The following DIS3L2 variants were observed in gnomAD, a reference collection of about 807,000 sequenced individuals.
The protein encoded by DIS3L2 is DIS3-like exonuclease 2.
In DIS3L2, 34 loss-of-function variants were observed where a neutral mutation model predicts 97.5. The observed-to-expected ratio is 0.35, with a 90% CI of 0.27 to 0.46. The LOEUF is 0.46. Ranked by LOEUF, DIS3L2 falls within the 20% of genes least tolerant of loss-of-function variation. The pLI, the probability that DIS3L2 is intolerant of heterozygous loss-of-function variation, is 1.00. For missense variants in DIS3L2, 1,038 were observed against 1,146.0 expected, an observed-to-expected ratio of 0.91 and a Z score of 1.36; for synonymous variants, 435 against 445.2, an observed-to-expected ratio of 0.98 and a Z score of 0.29.
chr2:232,065,106 G>A (rs1396525156), intron 5 of DIS3L2, among the ~76,000 whole-genome samples: 1 of 151,910 alleles, frequency 6.6e-6, no homozygotes, highest in African/African-American at 2.4e-5. Flanking sequence ...TCTTAAAATT[G>A]TGGTAAGAAC....
chr2:232,193,216 T>C (rs1691664333), intron 9 of DIS3L2, among the ~76,000 whole-genome samples: 1 of 152,236 alleles, frequency 6.6e-6, no homozygotes, highest in African/African-American at 2.4e-5. Flanking sequence ...ACAGACAACC[T>C]AATGTGACTA....
intron 8 of DIS3L2, among the ~76,000 whole-genome samples, chr2:232,139,224 C>T (rs1485404726): frequency 6.6e-6 from 1 of 152,106 alleles, no homozygotes; most frequent in Non-Finnish European, 1.5e-5. Flanking sequence ...ACAAAGGAAC[C>T]ACAGCTTCTC....
At chr2:232,297,705 T>C (rs1376303281) in intron 13 of DIS3L2, among the ~76,000 whole-genome samples, 1 of 149,110 alleles carries the variant, frequency 6.7e-6, no homozygotes, top group Non-Finnish European at 1.5e-5. Context: ...CCAAGTCTTT[T>C]TTTTTTTTTT....
At chr2:231,997,384 G>A (rs939177205) in intron 1 of DIS3L2, among the ~76,000 whole-genome samples, 5 of 152,202 alleles carry the variant, frequency 3.3e-5, no homozygotes, top group African/African-American at 1.2e-4. Context: ...GACCTGTTAA[G>A]AGGCAGTGTT....
intron 3 of DIS3L2, among the ~76,000 whole-genome samples, chr2:232,020,338 A>C (rs575627223): frequency 6.6e-6 from 1 of 152,162 alleles, no homozygotes; most frequent in Non-Finnish European, 1.5e-5. Flanking sequence ...GTATCAAAGT[A>C]AACCAGGTCA....
rs369447414 is a variant in DIS3L2 at position 232,273,189 on chromosome 2, T to C, written c.1659+9749T>C. On this transcript the variant is annotated intron_variant, in intron 13 of 20. Coordinates refer to ENST00000325385, the MANE Select transcript of DIS3L2 (RefSeq NM_152383.5). Reference sequence around the variant, plus strand: ...CCACCCCTCCTTCCTAGGGTTTCCCTGATACTTTATTTATACCTGTTACCT... The same window carrying C: ...CCACCCCTCCTTCCTAGGGTTTCCCCGATACTTTATTTATACCTGTTACCT... Among the ~76,000 whole-genome samples, 628 of 152,250 alleles carry C rather than the reference T, an allele frequency of 4.1e-3. 10 individuals carry two copies. The highest frequency in any genetic ancestry group is 0.015 in the African/African-American group (612 of 41,562).
intron 5 of DIS3L2, among the ~76,000 whole-genome samples, chr2:232,046,162 G>C (rs991092097): frequency 2.0e-5 from 3 of 152,178 alleles, no homozygotes; most frequent in Non-Finnish European, 2.9e-5. Flanking sequence ...AAGCACCATA[G>C]TCTCAGGTCC....
intron 3 of DIS3L2, among the ~76,000 whole-genome samples, chr2:232,022,767 A>C (rs1167423310): frequency 6.6e-6 from 1 of 152,216 alleles, no homozygotes; most frequent in African/African-American, 2.4e-5. Context: ...GGTGCCTGCC[A>C]TGCTATTCGT....
chr2:232,135,249 G>A (rs914640765), intron 7 of DIS3L2, among the ~76,000 whole-genome samples: 2 of 152,154 alleles, frequency 1.3e-5, no homozygotes, highest in African/African-American at 4.8e-5. Context: ...GTAACCAGGA[G>A]GCCAGGAGAT....
intron 10 of DIS3L2, among the ~76,000 whole-genome samples, chr2:232,229,414 A>G (rs1168693783): frequency 6.6e-6 from 1 of 152,138 alleles, no homozygotes; most frequent in Non-Finnish European, 1.5e-5. Flanking sequence ...GGCTTTGAGT[A>G]AGGACCAAGT....
intron 10 of DIS3L2, among the ~76,000 whole-genome samples, chr2:232,221,402 G>A (rs1055314792): frequency 1.3e-5 from 2 of 152,168 alleles, no homozygotes; most frequent in East Asian, 1.9e-4. Flanking sequence ...TTCAGGAAGG[G>A]CATCCTTTTG....
chr2:232,328,013 G>C (rs1695624316), intron 14 of DIS3L2, among the ~76,000 whole-genome samples: 1 of 152,234 alleles, frequency 6.6e-6, no homozygotes, highest in South Asian at 2.1e-4. Context: ...AGTCAAACCT[G>C]GGCTTGGGAG....
chr2:232,187,599 T>C (rs1415015611), intron 9 of DIS3L2, among the ~76,000 whole-genome samples: 1 of 151,990 alleles, frequency 6.6e-6, no homozygotes, highest in Non-Finnish European at 1.5e-5. Context: ...CGCGCCACCA[T>C]GCCCAGCTAT....
intron 8 of DIS3L2, among the ~76,000 whole-genome samples, chr2:232,157,288 G>A (rs1307283766): frequency 6.6e-6 from 1 of 152,132 alleles, no homozygotes; most frequent in East Asian, 1.9e-4. Flanking sequence ...GATATTGAAA[G>A]GCCTGACTCC....
intron 7 of DIS3L2, among the ~76,000 whole-genome samples, chr2:232,134,871 G>GCACA (rs141691233): frequency 2.4e-4 from 36 of 149,758 alleles, no homozygotes; most frequent in Admixed American, 1.7e-3. Flanking sequence ...TTGTGTGTGC[G>GCACA]CACACACACA....
At chr2:232,142,600 A>G (rs1690091437) in intron 8 of DIS3L2, among the ~76,000 whole-genome samples, 1 of 152,128 alleles carries the variant, frequency 6.6e-6, no homozygotes, top group Admixed American at 6.6e-5. Context: ...CTTTTCTTAA[A>G]TAACTCAGTA....
At chr2:232,003,614 C>T (rs1693967243) in intron 1 of DIS3L2, among the ~76,000 whole-genome samples, 1 of 152,106 alleles carries the variant, frequency 6.6e-6, no homozygotes, top group Non-Finnish European at 1.5e-5. Flanking sequence ...CTCAGTATGG[C>T]GTTTCTTGTA....
intron 7 of DIS3L2, 90 bp from the exon 8 acceptor site, chr2:232,136,382 T>G: frequency 6.6e-7 from 1 of 1,514,092 alleles, no homozygotes; most frequent in Non-Finnish European, 8.9e-7. Context: ...TGGTTCCTGC[T>G]AGTTGATCAA....
intron 1 of DIS3L2, among the ~76,000 whole-genome samples, chr2:231,980,582 C>T (rs925802553): frequency 1.1e-4 from 17 of 152,042 alleles, no homozygotes; most frequent in Admixed American, 5.2e-4. Context: ...CCTGTATTCC[C>T]AGCTACTTGG....
Sources: allele counts gnomAD v4.1 joint callset (sites outside exome capture counted in the v4.1 genomes callset), GRCh38; gene constraint gnomAD v4.1.1; transcripts MANE v1.5; gene names NCBI Gene and HGNC (gene_info 2026-07-23, HGNC 2026-07-21).